PELI1: variants seen among roughly 807,000 people sequenced by gnomAD.
The protein encoded by PELI1 is pellino E3 ubiquitin protein ligase 1, also known as E3 ubiquitin-protein ligase pellino homolog 1.
In PELI1, 15 loss-of-function variants were observed where a neutral mutation model predicts 41.3. The ratio of observed to expected loss-of-function variants is 0.36; its 90% CI spans 0.24 to 0.56. The LOEUF is 0.56. Ranked by LOEUF, PELI1 falls within the 20% of genes least tolerant of loss-of-function variation. The pLI, the probability that PELI1 is intolerant of heterozygous loss-of-function variation, is 0.82. For missense variants in PELI1, 403 were observed against 525.5 expected, an observed-to-expected ratio of 0.77 and a Z score of 2.28; for synonymous variants, 178 against 180.1, an observed-to-expected ratio of 0.99 and a Z score of 0.09.
intron 4 of PELI1, 31 bp from the exon 5 acceptor site, chr2:64,096,641 C>T: frequency 2.1e-6 from 3 of 1,450,396 alleles, no homozygotes; most frequent in Non-Finnish European, 2.9e-6. Flanking sequence ...CCTATAAACC[C>T]ATTCAAAGAG....
intron 1 of PELI1, among the ~76,000 whole-genome samples, chr2:64,132,035 G>T (rs1681573889): frequency 6.6e-6 from 1 of 152,174 alleles, no homozygotes; most frequent in African/African-American, 2.4e-5. Context: ...CTAATAAGCA[G>T]TTGAAAATTT....
At chr2:64,141,698 C>T (rs954931079) in intron 1 of PELI1, among the ~76,000 whole-genome samples, 2 of 152,162 alleles carry the variant, frequency 1.3e-5, no homozygotes, top group Non-Finnish European at 2.9e-5. Flanking sequence ...GAACTTAAAT[C>T]AAATGGAAAC....
chr2:64,108,521 T>C (rs969796682), intron 1 of PELI1, 142 bp from the exon 2 acceptor site: 3 of 478,510 alleles, frequency 6.3e-6, no homozygotes, highest in Non-Finnish European at 3.7e-6. Flanking sequence ...TTTTGCCCAA[T>C]AATGATTATA....
intron 4 of PELI1, among the ~76,000 whole-genome samples, chr2:64,096,817 A>C (rs1178815232): frequency 6.6e-6 from 1 of 152,238 alleles, no homozygotes. Context: ...GCATGGAATT[A>C]AATGAGAACT....
chr2:64,130,322 G>GA (rs1188044883), intron 1 of PELI1, among the ~76,000 whole-genome samples: 1 of 151,864 alleles, frequency 6.6e-6, no homozygotes, highest in Non-Finnish European at 1.5e-5. Flanking sequence ...AGACATTTTT[G>GA]AAAAAAATGA....
At chr2:64,142,188 A>G (rs1681933675) in intron 1 of PELI1, among the ~76,000 whole-genome samples, 2 of 152,198 alleles carry the variant, frequency 1.3e-5, no homozygotes, top group South Asian at 4.1e-4. Context: ...CCACTTCACT[A>G]CATGCAACTT....
chr2:64,121,564 A>G (rs1168785857), intron 1 of PELI1, among the ~76,000 whole-genome samples: 1 of 152,122 alleles, frequency 6.6e-6, no homozygotes, highest in East Asian at 1.9e-4. Flanking sequence ...TTTTTCTTAA[A>G]AAGTTCTAAA....
chr2:64,094,028 T>A lies in PELI1; in HGVS notation c.*674A>T, dbSNP rs1680138097. ...ATTAAGAAAAAATCTTTCCTGATTA[T>A]CTTCAATGTTGTTAAAAACAAACAC... On this transcript the variant is annotated 3_prime_UTR_variant, in exon 7 of 7. Coordinates refer to ENST00000358912, the MANE Select transcript of PELI1 (RefSeq NM_020651.4). The A allele has an allele frequency of 6.5e-6, 1 of 152,678 alleles. No homozygotes were observed. The highest frequency in any genetic ancestry group is 1.5e-5 in the Non-Finnish European group (1 of 68,044). 9.5% of individuals were successfully genotyped at this position (152,678 alleles called of 1,614,324 possible).
chr2:64,127,272 C>T (rs557946380), intron 1 of PELI1, among the ~76,000 whole-genome samples: 101 of 152,314 alleles, frequency 6.6e-4, no homozygotes, highest in African/African-American at 2.4e-3. Flanking sequence ...AGCAAGGTGG[C>T]TCACACCTGT....
At chr2:64,130,436 T>G (rs78505331) in intron 1 of PELI1, among the ~76,000 whole-genome samples, 6,445 of 152,338 alleles carry the variant, frequency 0.042, 156 homozygotes, top group African/African-American at 0.078. Context: ...TGATGTTCTT[T>G]TCCCAGTCTG....
At chr2:64,141,453 T>C (rs1371092923) in intron 1 of PELI1, among the ~76,000 whole-genome samples, 1 of 152,178 alleles carries the variant, frequency 6.6e-6, no homozygotes, top group African/African-American at 2.4e-5. Flanking sequence ...TAGGTCTACA[T>C]TGATGTATTA....
intron 1 of PELI1, among the ~76,000 whole-genome samples, chr2:64,126,900 T>G (rs1681407586): frequency 6.6e-6 from 1 of 152,034 alleles, no homozygotes; most frequent in South Asian, 2.1e-4. Context: ...AAAGGGTAAG[T>G]CAGTAGGTTC....
rs558629737 is a variant in PELI1, at chr2:64,132,242, G to T, written c.-70+11839C>A. On this transcript the variant is annotated intron_variant, in intron 1 of 6. Coordinates refer to ENST00000358912, the MANE Select transcript of PELI1 (RefSeq NM_020651.4). ...TTCCTTTCAACAACCTTACCAGGAAGATACAGGTTGAGCATTCCTAATCTG... is the reference window on the plus strand; with the variant it reads ...TTCCTTTCAACAACCTTACCAGGAATATACAGGTTGAGCATTCCTAATCTG... Among the ~76,000 whole-genome samples, 11 of 152,256 alleles carry T rather than the reference G, an allele frequency of 7.2e-5. No homozygotes were observed. The South Asian group carries it at 2.3e-3, about 32-fold the overall frequency.
In PELI1 at chr2:64,093,894, T is replaced by A. The variant is rs759425213; in HGVS notation, c.*808A>T. 3.9e-5 allele frequency: 6 copies of A among 152,632 alleles called. No individual in the cohort carries two copies. Among genetic ancestry groups the A allele is most frequent in the Non-Finnish European group, 8.8e-5 (6 of 68,036 alleles). The allele number at this position is 152,632 out of a possible 1,614,324, so 9.5% of individuals were successfully genotyped here. The stretch of plus-strand genomic sequence containing the variant: ...GCTGCTGATACTAAAAACAGATTAG[T>A]TATCATGGGAGAAAAATAGATAATC... On this transcript the variant is annotated 3_prime_UTR_variant, in exon 7 of 7. Coordinates refer to ENST00000358912, the MANE Select transcript of PELI1 (RefSeq NM_020651.4).
chr2:64,126,407 C>T (rs1681386443), intron 1 of PELI1, among the ~76,000 whole-genome samples: 2 of 152,200 alleles, frequency 1.3e-5, no homozygotes, highest in African/African-American at 4.8e-5. Flanking sequence ...CGTGATCTGC[C>T]TGCCTTGGCC....
At chr2:64,142,377 T>C (rs1681940051) in intron 1 of PELI1, among the ~76,000 whole-genome samples, 1 of 152,318 alleles carries the variant, frequency 6.6e-6, no homozygotes, top group East Asian at 1.9e-4. Context: ...AACTATATAG[T>C]ACAAAATTAA....
At chr2:64,140,800 C>CAAAAAAAAAAAAAAAA (rs1356897512) in intron 1 of PELI1, among the ~76,000 whole-genome samples, 2 of 100,278 alleles carry the variant, frequency 2.0e-5, no homozygotes, top group African/African-American at 4.4e-5. Context: ...AAAAAAAAAA[C>CAAAAAAAAAAAAAAAA]AAACAAACAA....
At chr2:64,134,659 C>G (rs1681659666) in intron 1 of PELI1, among the ~76,000 whole-genome samples, 1 of 152,020 alleles carries the variant, frequency 6.6e-6, no homozygotes, top group Non-Finnish European at 1.5e-5. Flanking sequence ...GAGAACAATT[C>G]AAAGAAAAAT....
At chr2:64,130,666 C>T (rs1681526176) in intron 1 of PELI1, among the ~76,000 whole-genome samples, 1 of 152,084 alleles carries the variant, frequency 6.6e-6, no homozygotes, top group Non-Finnish European at 1.5e-5. Flanking sequence ...AAAAAGTTTG[C>T]TAAATTAGAT....
Sources: gnomAD v4.1 joint callset for allele counts (sites outside exome capture counted in the v4.1 genomes callset) on GRCh38, gnomAD v4.1.1 for gene constraint, MANE v1.5 for transcripts, NCBI Gene and HGNC (gene_info 2026-07-23, HGNC 2026-07-21) for gene names.